Variants in BTG2 observed in about 807,000 individuals in gnomAD.
BTG2 encodes BTG anti-proliferation factor 2, also known as protein BTG2.
BTG2 carries 9 observed loss-of-function variants against 13.1 expected under a neutral mutation model. The observed-to-expected ratio is 0.69, with a 90% CI of 0.41 to 1.20. The LOEUF (loss-of-function observed/expected upper bound fraction) is 1.20. BTG2 is among the 50% of genes most tolerant of loss of function. The pLI, the probability that BTG2 is intolerant of heterozygous loss-of-function variation, is 0.00. For missense variants in BTG2, 200 were observed against 209.5 expected, an observed-to-expected ratio of 0.95 and a Z score of 0.28; for synonymous variants, 92 against 88.6, an observed-to-expected ratio of 1.04 and a Z score of -0.21.
In BTG2 at chr1:203,309,339, C is replaced by T. The variant is rs1050432580; in HGVS notation, c.*1901C>T. The T allele has an allele frequency of 2.6e-5, 4 of 152,652 alleles. No homozygotes were observed. Among genetic ancestry groups the T allele is most frequent in the East Asian group, 1.9e-4 (1 of 5,204 alleles). The allele number at this position is 152,652 out of a possible 1,614,324, so 9.5% of individuals were successfully genotyped here. Reference sequence around the variant, plus strand: ...AGGTCCCTGCCTTTTTAGAAGCAGCCTCATGGTCTCATGCTTAATCTTGTC... The same window carrying T: ...AGGTCCCTGCCTTTTTAGAAGCAGCTTCATGGTCTCATGCTTAATCTTGTC... On this transcript the variant is annotated 3_prime_UTR_variant, in exon 2 of 2. Coordinates refer to ENST00000290551, the MANE Select transcript of BTG2 (RefSeq NM_006763.3).
At position 203,307,405 on chromosome 1, in the gene BTG2, CT is replaced by C; in HGVS notation, c.445del (p.Ser149ProfsTer5). The C allele has an allele frequency of 6.2e-7, 1 of 1,600,392 alleles. No individual in the cohort carries two copies. Among genetic ancestry groups the C allele is most frequent in the Non-Finnish European group, 8.5e-7 (1 of 1,169,852 alleles). Reference sequence around the variant, plus strand: ...AAGTGCTGCTGGGCCGGAGCAGCCCCTCCAAGAACTACGTGATGGCAGTCTC... The same window carrying C: ...AAGTGCTGCTGGGCCGGAGCAGCCCCCCAAGAACTACGTGATGGCAGTCTC... ...NQVLLGRSSPSKNYVMAVSS is the reference protein window; with the variant it reads ...NQVLLGRSSPXKNYVMAVSS On this transcript the variant is annotated frameshift_variant, in exon 2 of 2. Transcript: ENST00000290551. LOFTEE classifies it high-confidence loss of function.
At position 203,307,272 on chromosome 1, in the gene BTG2, T is replaced by G; in HGVS notation, c.311T>G (p.Val104Gly). The G allele has an allele frequency of 6.2e-7, 1 of 1,614,228 alleles. No homozygotes were observed. The highest frequency in any genetic ancestry group is 8.5e-7 in the Non-Finnish European group (1 of 1,180,038). The change falls in exon 2 of 2, where the codon GTG becomes GGG. Residue 104 changes from valine (V) to glycine (G), a missense_variant. Val to Gly is a moderately radical substitution (Grantham distance 109). Coordinates refer to ENST00000290551, the MANE Select transcript of BTG2 (RefSeq NM_006763.3). ...QLLPSELTLW[V>G]DPYEVSYRIG... Reference sequence around the variant, plus strand: ...CTGCCCAGCGAGCTGACCCTGTGGGTGGACCCCTATGAGGTGTCCTACCGC... The same window carrying G: ...CTGCCCAGCGAGCTGACCCTGTGGGGGGACCCCTATGAGGTGTCCTACCGC...
At position 203,307,120 on chromosome 1, in the gene BTG2, C is replaced by T. The variant is rs1232732870; in HGVS notation, c.159C>T (p.His53=). ...QEALTEHYKH[H]WFPEKPSKGS... ...TCTCCACAGAGCACTACAAACACCACTGGTTTCCCGAAAAGCCGTCCAAGG... is the reference window on the plus strand; with the variant it reads ...TCTCCACAGAGCACTACAAACACCATTGGTTTCCCGAAAAGCCGTCCAAGG... Residue 53 remains histidine, a synonymous_variant, in exon 2 of 2, where the codon CAC becomes CAT. Coordinates refer to ENST00000290551, the MANE Select transcript of BTG2 (RefSeq NM_006763.3). 36 of 1,613,968 alleles carry T rather than the reference C, an allele frequency of 2.2e-5. No individual in the cohort carries two copies. In the East Asian group the frequency reaches 6.2e-4, roughly 28 times the overall value.
At chr1:203,305,810 C>A in intron 1 of BTG2, 62 bp downstream of exon 1, 1 of 1,507,102 alleles carries the variant, frequency 6.6e-7, no homozygotes, top group South Asian at 1.2e-5. Context: ...CCAGGGCCGT[C>A]TTTCTTCTAC....
rs1330187720 is a variant in BTG2 at position 203,308,866 on chromosome 1, CCCTT to C, written c.*1434_*1437del. On this transcript the variant is annotated 3_prime_UTR_variant, in exon 2 of 2. Transcript: ENST00000290551. ...TGGAAAGCTACACTGGGAAGAAACT[CCCTT>C]CCTTCAATTTCTCAGTGACATTGAT... 6.6e-6 allele frequency: 1 copy of C among 152,620 alleles called. No homozygotes were observed. Among genetic ancestry groups the C allele is most frequent in the South Asian group, 2.1e-4 (1 of 4,824 alleles). The allele number at this position is 152,620 out of a possible 1,614,324, so 9.5% of individuals were successfully genotyped here.
rs755841709 is a variant in BTG2 at position 203,307,137 on chromosome 1, C to T, written c.176C>T (p.Pro59Leu). The change falls in exon 2 of 2, where the codon CCG becomes CTG. Residue 59 changes from proline (P) to leucine (L), a missense_variant. Transcript: ENST00000290551. The part of the protein sequence containing the change: ...HYKHHWFPEK[P>L]SKGSGYRCIR... ...AAACACCACTGGTTTCCCGAAAAGC[C>T]GTCCAAGGGCTCCGGCTACCGCTGC... The T allele has an allele frequency of 2.5e-6, 4 of 1,614,210 alleles. No individual in the cohort carries two copies. Among genetic ancestry groups the T allele is most frequent in the Non-Finnish European group, 3.4e-6 (4 of 1,180,028 alleles).
intron 1 of BTG2, among the ~76,000 whole-genome samples, chr1:203,306,218 T>C (rs1658268363): frequency 6.6e-6 from 1 of 152,164 alleles, no homozygotes; most frequent in African/African-American, 2.4e-5. Flanking sequence ...GCGCTGTGCC[T>C]GGGGTAGTCC....
chr1:203,307,503 C>A lies in BTG2; in HGVS notation c.*65C>A. On this transcript the variant is annotated 3_prime_UTR_variant, in exon 2 of 2. Transcript: ENST00000290551. ...TGCCGTGACAACAGGCCACCACATA[C>A]CTCAACCTGGGGAACTGTATTTTTA... is the stretch of plus-strand genomic sequence containing the variant. The A allele has an allele frequency of 2.3e-6, 3 of 1,303,724 alleles. No individual in the cohort carries two copies. Among genetic ancestry groups the A allele is most frequent in the Non-Finnish European group, 3.2e-6 (3 of 950,134 alleles). 80.8% of individuals were successfully genotyped at this position (1,303,724 alleles called of 1,614,324 possible). A position where few individuals can be genotyped will look rare whatever the true frequency, so the allele number is the denominator to read the frequency against.
rs760349639 is a variant in BTG2, at chr1:203,307,394, C to A, written c.433C>A (p.Arg145=). 6.2e-7 allele frequency: 1 copy of A among 1,604,366 alleles called. No individual in the cohort carries two copies. Among genetic ancestry groups the A allele is most frequent in the Non-Finnish European group, 8.5e-7 (1 of 1,172,574 alleles). The change falls in exon 2 of 2, where the codon CGG becomes AGG. Residue 145 remains arginine (R), a synonymous_variant. Transcript: ENST00000290551. ...CTGCAAGAACCAAGTGCTGCTGGGC[C>A]GGAGCAGCCCCTCCAAGAACTACGT... ...LTCKNQVLLG[R]SSPSKNYVMA... is the part of the protein sequence containing the mutation.
intron 1 of BTG2, among the ~76,000 whole-genome samples, chr1:203,306,821 CT>C (rs1658286600): frequency 1.5e-5 from 2 of 135,240 alleles, no homozygotes; most frequent in East Asian, 4.6e-4. Flanking sequence ...CACACACACA[CT>C]CTCTCTCTCA....
intron 1 of BTG2, among the ~76,000 whole-genome samples, chr1:203,306,868 A>C (rs868160206): frequency 7.5e-6 from 1 of 133,754 alleles, no homozygotes; most frequent in African/African-American, 2.6e-5. Flanking sequence ...ACACACACAC[A>C]CACACACTCT....
rs372466316 is a variant in BTG2, at chr1:203,305,751, G to T, written c.142+3G>T. 3.9e-5 allele frequency: 60 copies of T among 1,545,134 alleles called. No homozygotes were observed. In the African/African-American group the frequency reaches 6.5e-4, roughly 17 times the overall value. On this transcript the variant is annotated splice_donor_region_variant and intron_variant, in intron 1 of 1. Transcript: ENST00000290551. ...GGCGCTCCAGGAGGCACTCACAGGT[G>T]AGCGCATGCCGAGGGGCCTGGCGCC...
intron 1 of BTG2, among the ~76,000 whole-genome samples, chr1:203,306,383 G>C (rs538126305): frequency 2.0e-5 from 3 of 152,188 alleles, no homozygotes; most frequent in Admixed American, 1.3e-4. Flanking sequence ...GAAGAGATAA[G>C]CAGCCCGCTC....
chr1:203,305,741 A>T lies in BTG2; in HGVS notation c.135A>T (p.Ala45=). 1 of 1,547,636 alleles carries T rather than the reference A, an allele frequency of 6.5e-7. No homozygotes were observed. ...TCTTCAGCGGGGCGCTCCAGGAGGC[A>T]CTCACAGGTGAGCGCATGCCGAGGG... The part of the protein sequence containing the change: ...LKVFSGALQE[A]LTEHYKHHWF... The change falls in exon 1 of 2, where the codon GCA becomes GCT. Residue 45 remains alanine (A), a synonymous_variant. Transcript: ENST00000290551.
rs377192922 is a variant in BTG2 at position 203,305,761 on chromosome 1, C to T, written c.142+13C>T. On this transcript the variant is annotated intron_variant, in intron 1 of 1. Coordinates refer to ENST00000290551, the MANE Select transcript of BTG2 (RefSeq NM_006763.3). ...GAGGCACTCACAGGTGAGCGCATGCCGAGGGGCCTGGCGCCACCGGGGGTC... is the reference window on the plus strand; with the variant it reads ...GAGGCACTCACAGGTGAGCGCATGCTGAGGGGCCTGGCGCCACCGGGGGTC... The T allele has an allele frequency of 5.8e-6, 9 of 1,541,804 alleles. No homozygotes were observed. The highest frequency in any genetic ancestry group is 5.5e-5 in the African/African-American group (4 of 72,398).
Position 203,308,161 on chromosome 1 carries a change from G to A in BTG2, c.*723G>A, listed in dbSNP as rs990116670. Reference sequence around the variant, plus strand: ...GGAGGTTATTGGGGTTAGGATGGAAGGGAACTCTGCACAAAACCTTTGCTT... The same window carrying A: ...GGAGGTTATTGGGGTTAGGATGGAAAGGAACTCTGCACAAAACCTTTGCTT... On this transcript the variant is annotated 3_prime_UTR_variant, in exon 2 of 2. Transcript: ENST00000290551. 6.6e-6 allele frequency: 1 copy of A among 152,628 alleles called. No individual in the cohort carries two copies. The highest frequency in any genetic ancestry group is 1.5e-5 in the Non-Finnish European group (1 of 68,048). The allele number at this position is 152,628 out of a possible 1,614,324, so 9.5% of individuals were successfully genotyped here. A position where few individuals can be genotyped will look rare whatever the true frequency, so the allele number is the denominator to read the frequency against.
In BTG2 at chr1:203,309,356, A is replaced by G. The variant is rs76416255; in HGVS notation, c.*1918A>G. The G allele has an allele frequency of 4.6e-5, 7 of 152,774 alleles. No individual in the cohort carries two copies. The highest frequency in any genetic ancestry group is 1.7e-4 in the African/African-American group (7 of 41,560). 9.5% of individuals were successfully genotyped at this position (152,774 alleles called of 1,614,324 possible). On this transcript the variant is annotated 3_prime_UTR_variant, in exon 2 of 2. Coordinates refer to ENST00000290551, the MANE Select transcript of BTG2 (RefSeq NM_006763.3). ...GAAGCAGCCTCATGGTCTCATGCTT[A>G]ATCTTGTCTCTCTTCTCTTCTTTAT...
Position 203,305,734 on chromosome 1 carries a change from A to T in BTG2, c.128A>T (p.Gln43Leu), listed in dbSNP as rs1658242159. 1.3e-6 allele frequency: 2 copies of T among 1,549,134 alleles called. No homozygotes were observed. The highest frequency in any genetic ancestry group is 8.7e-7 in the Non-Finnish European group (1 of 1,146,238). Residue 43 changes from glutamine (Q) to leucine (L), a missense_variant, in exon 1 of 2, where the codon CAG becomes CTG. Gln to Leu is a moderately radical substitution (Grantham distance 113, BLOSUM62 -2). Coordinates refer to ENST00000290551, the MANE Select transcript of BTG2 (RefSeq NM_006763.3). Reference protein sequence around the residue: ...QRLKVFSGALQEALTEHYKHH... With the variant: ...QRLKVFSGALLEALTEHYKHH... ...CTTAAGGTCTTCAGCGGGGCGCTCC[A>T]GGAGGCACTCACAGGTGAGCGCATG...
chr1:203,308,592 G>C lies in BTG2; in HGVS notation c.*1154G>C, dbSNP rs1385407406. 2.0e-5 allele frequency: 3 copies of C among 152,634 alleles called. No individual in the cohort carries two copies. Among genetic ancestry groups the C allele is most frequent in the African/African-American group, 7.2e-5 (3 of 41,438 alleles). The allele number at this position is 152,634 out of a possible 1,614,324, so 9.5% of individuals were successfully genotyped here. ...GTGGGCTTAGGGAACCATCTCTCCT[G>C]CTCTCCTTGGGATGATGGCTGGCTA... On this transcript the variant is annotated 3_prime_UTR_variant, in exon 2 of 2. Coordinates refer to ENST00000290551, the MANE Select transcript of BTG2 (RefSeq NM_006763.3).
Sources: allele counts gnomAD v4.1 joint callset (sites outside exome capture counted in the v4.1 genomes callset), GRCh38; gene constraint gnomAD v4.1.1; transcripts MANE v1.5; gene names NCBI Gene and HGNC (gene_info 2026-07-23, HGNC 2026-07-21).